The following RAD9B variants were observed in gnomAD, a reference collection of about 807,000 sequenced individuals.
The protein encoded by RAD9B is cell cycle checkpoint control protein RAD9B.
RAD9B carries 41 observed loss-of-function variants against 48.3 expected under a neutral mutation model. The observed-to-expected ratio is 0.85, with a 90% CI of 0.66 to 1.10. The LOEUF is 1.10. RAD9B is among the 50% of genes least tolerant of loss of function. The pLI is 0.00. For synonymous variants in RAD9B, 160 were observed against 157.9 expected, an observed-to-expected ratio of 1.01 and a Z score of -0.10; for missense variants, 444 against 485.1, an observed-to-expected ratio of 0.92 and a Z score of 0.80.
At chr12:110,509,485 A>G (rs1297428851) in intron 4 of RAD9B, among the ~76,000 whole-genome samples, 2 of 151,770 alleles carry the variant, frequency 1.3e-5, no homozygotes, top group Non-Finnish European at 2.9e-5. Context: ...GTGTTTTGGA[A>G]GCTGGTCTCA....
At chr12:110,525,155 TTTTTGTATTTTTTTTA>T (rs1408012745) in intron 10 of RAD9B, among the ~76,000 whole-genome samples, 1 of 151,892 alleles carries the variant, frequency 6.6e-6, no homozygotes, top group Non-Finnish European at 1.5e-5. Flanking sequence ...CCAGCTAATT[TTTTTGTATTTTTTTTA>T]GTAGAGACGG....
intron 3 of RAD9B, among the ~76,000 whole-genome samples, chr12:110,506,071 G>A (rs1159192005): frequency 6.6e-6 from 1 of 151,224 alleles, no homozygotes; most frequent in Admixed American, 6.6e-5. Context: ...TTTTAATAGA[G>A]ATGAGGGTTT....
At chr12:110,528,518 G>T (rs2135737488) in intron 10 of RAD9B, among the ~76,000 whole-genome samples, 1 of 152,358 alleles carries the variant, frequency 6.6e-6, no homozygotes, top group East Asian at 1.9e-4. Flanking sequence ...AATGGCAGCA[G>T]CGCTGAGGTT....
intron 5 of RAD9B, among the ~76,000 whole-genome samples, chr12:110,513,720 TA>T (rs2063529139): frequency 4.8e-5 from 7 of 146,590 alleles, no homozygotes; most frequent in South Asian, 4.3e-4. Context: ...TTATTATTAT[TA>T]TTATTATTAT....
Position 110,503,896 on chromosome 12 carries a change from G to C in RAD9B, c.117+20G>C, listed in dbSNP as rs1233505456. The C allele has an allele frequency of 1.8e-5, 27 of 1,468,754 alleles. No homozygotes were observed. Among genetic ancestry groups the C allele is most frequent in the African/African-American group, 2.9e-5 (2 of 70,054 alleles). 91.0% of individuals were successfully genotyped at this position (1,468,754 alleles called of 1,614,324 possible). A position where few individuals can be genotyped will look rare whatever the true frequency, so the allele number is the denominator to read the frequency against. On this transcript the variant is annotated intron_variant, in intron 2 of 10. Coordinates refer to ENST00000409300, the MANE Select transcript of RAD9B (RefSeq NM_001286535.2). ...AAAGGTGTAAGTAAGAAAGTTAACAGATCACGTATCAAGGCAAGAGGAGAT... is the reference window on the plus strand; with the variant it reads ...AAAGGTGTAAGTAAGAAAGTTAACACATCACGTATCAAGGCAAGAGGAGAT...
At chr12:110,523,696 A>G (rs2063852094) in intron 10 of RAD9B, among the ~76,000 whole-genome samples, 1 of 152,182 alleles carries the variant, frequency 6.6e-6, no homozygotes, top group Admixed American at 6.5e-5. Flanking sequence ...AACAACAGGA[A>G]TCATCTTCCT....
At position 110,532,651 on chromosome 12, in the gene RAD9B, C is replaced by G. The variant is rs1175251148; in HGVS notation, c.*1998C>G. Among the ~76,000 whole-genome samples, 1 of 152,216 alleles carries G rather than the reference C, an allele frequency of 6.6e-6. No individual in the cohort carries two copies. Among genetic ancestry groups the G allele is most frequent in the East Asian group, 1.9e-4 (1 of 5,202 alleles). On this transcript the variant is annotated 3_prime_UTR_variant, in exon 11 of 11. Coordinates refer to ENST00000409300, the MANE Select transcript of RAD9B (RefSeq NM_001286535.2). Reference sequence around the variant, plus strand: ...TTTGGTCAACGATGGACTGCACAGACAGTGGTGGTCCCATAAGATAATGGA... The same window carrying G: ...TTTGGTCAACGATGGACTGCACAGAGAGTGGTGGTCCCATAAGATAATGGA...
chr12:110,521,364 G>A (rs1054509779), intron 9 of RAD9B, among the ~76,000 whole-genome samples: 1 of 151,756 alleles, frequency 6.6e-6, no homozygotes, highest in African/African-American at 2.4e-5. Context: ...TGTTGCCCAG[G>A]CTGGTCTCTT....
intron 1 of RAD9B, 51 bp downstream of exon 1, chr12:110,502,434 TAA>T: frequency 6.3e-7 from 1 of 1,594,354 alleles, no homozygotes; most frequent in South Asian, 1.1e-5. Context: ...AAGCAGACGT[TAA>T]TAGGTCGTCC....
chr12:110,510,002 T>C (rs2063413719), intron 4 of RAD9B, among the ~76,000 whole-genome samples: 1 of 152,192 alleles, frequency 6.6e-6, no homozygotes, highest in Admixed American at 6.5e-5. Context: ...CTTTTGAGCT[T>C]TGTGTCTTCT....
At chr12:110,504,459 T>G (rs1593028625) in intron 2 of RAD9B, among the ~76,000 whole-genome samples, 1 of 131,226 alleles carries the variant, frequency 7.6e-6, no homozygotes, top group Non-Finnish European at 1.6e-5. Flanking sequence ...GGCAACAGAG[T>G]GAGAGTGAGA....
intron 4 of RAD9B, among the ~76,000 whole-genome samples, chr12:110,509,060 G>A (rs2063379426): frequency 6.6e-6 from 1 of 152,108 alleles, no homozygotes; most frequent in African/African-American, 2.4e-5. Context: ...CGCCTCCTGG[G>A]TTCACGCCAT....
At position 110,522,402 on chromosome 12, in the gene RAD9B, T is replaced by C. The variant is rs546964918; in HGVS notation, c.1116T>C (p.Cys372=). 6.2e-7 allele frequency: 1 copy of C among 1,605,174 alleles called. No homozygotes were observed. Among genetic ancestry groups the C allele is most frequent in the South Asian group, 1.1e-5 (1 of 89,448 alleles). ...CAGAGGAAGTGCCAGGGTCTCTGTG[T>C]CTCAGAAAGGTAAAAGCATTGAGAT... ...SNTEEVPGSL[C]LRKFSCMFFG... The change falls in exon 10 of 11, where the codon TGT becomes TGC. Residue 372 remains cysteine (C), a synonymous_variant. Coordinates refer to ENST00000409300, the MANE Select transcript of RAD9B (RefSeq NM_001286535.2).
intron 4 of RAD9B, among the ~76,000 whole-genome samples, chr12:110,508,855 C>T (rs1056741540): frequency 6.6e-6 from 1 of 152,052 alleles, no homozygotes; most frequent in Non-Finnish European, 1.5e-5. Context: ...AGTGCAGTGG[C>T]GTGATCTTGG....
chr12:110,516,720 G>T (rs975190083), intron 6 of RAD9B, among the ~76,000 whole-genome samples: 4 of 151,826 alleles, frequency 2.6e-5, no homozygotes, highest in Non-Finnish European at 5.9e-5. Flanking sequence ...TGAGACAGGG[G>T]ATTAATCACT....
intron 6 of RAD9B, 53 bp from the exon 7 acceptor site, chr12:110,518,623 A>T: frequency 1.5e-6 from 2 of 1,338,692 alleles, no homozygotes; most frequent in Non-Finnish European, 1.0e-6. Flanking sequence ...TTTTTCCTCT[A>T]AATTCATCTC....
intron 5 of RAD9B, among the ~76,000 whole-genome samples, chr12:110,514,353 C>T (rs1378071229): frequency 1.3e-5 from 2 of 151,934 alleles, no homozygotes; most frequent in African/African-American, 2.4e-5. Flanking sequence ...GACAGCCCAG[C>T]TGTAAAAAAT....
chr12:110,514,352 G>C (rs1301458631), intron 5 of RAD9B, among the ~76,000 whole-genome samples: 1 of 152,046 alleles, frequency 6.6e-6, no homozygotes, highest in Non-Finnish European at 1.5e-5. Flanking sequence ...AGACAGCCCA[G>C]CTGTAAAAAA....
At chr12:110,502,554 A>T (rs1465827208) in intron 1 of RAD9B, 171 bp downstream of exon 1, 2 of 677,950 alleles carry the variant, frequency 3.0e-6, no homozygotes, top group Non-Finnish European at 5.1e-6. Context: ...TGAGGGGAGG[A>T]TGAGGACCCA....
Sources: gnomAD v4.1 joint callset for allele counts (sites outside exome capture counted in the v4.1 genomes callset) on GRCh38, gnomAD v4.1.1 for gene constraint, MANE v1.5 for transcripts, NCBI Gene and HGNC (gene_info 2026-07-23, HGNC 2026-07-21) for gene names.